MAML3: variants seen among roughly 807,000 people sequenced by gnomAD.
MAML3 encodes the protein mastermind like transcriptional coactivator 3.
MAML3 carries 27 observed loss-of-function variants against 101.9 expected under a neutral mutation model. The ratio of observed to expected loss-of-function variants is 0.27; its 90% CI spans 0.20 to 0.37. The LOEUF is 0.37. Among genes scored for constraint, MAML3 ranks in the 10% least tolerant of loss-of-function variants. The probability of loss-of-function intolerance (pLI) is 1.00; values close to 1 mark genes in which losing one functional copy is unlikely to be tolerated. For synonymous variants in MAML3, 501 were observed against 555.9 expected (o/e 0.90, Z 1.39); for missense variants, 1,316 against 1,444.9 (o/e 0.91, Z 1.45).
chr4:140,127,420 T>G (rs905306425), intron 1 of MAML3, among the ~76,000 whole-genome samples: 18 of 134,638 alleles, frequency 1.3e-4, no homozygotes, highest in African/African-American at 5.5e-4. Flanking sequence ...CCAAAAGGAG[T>G]GACAGAAAGT....
intron 2 of MAML3, among the ~76,000 whole-genome samples, chr4:139,741,775 G>A (rs775465618): frequency 7.6e-4 from 115 of 152,036 alleles, no homozygotes; most frequent in Non-Finnish European, 6.8e-4. Flanking sequence ...TTATTAGATC[G>A]GGCTGCTCTA....
intron 2 of MAML3, among the ~76,000 whole-genome samples, chr4:139,739,681 T>TA: frequency 7.3e-6 from 1 of 137,242 alleles, no homozygotes; most frequent in Non-Finnish European, 1.5e-5. Flanking sequence ...GGAAAGCAGT[T>TA]TTTTTTTTTT....
intron 1 of MAML3, among the ~76,000 whole-genome samples, chr4:140,114,342 C>T (rs1728484983): frequency 6.6e-6 from 1 of 152,168 alleles, no homozygotes; most frequent in Non-Finnish European, 1.5e-5. Flanking sequence ...CTCAACAGTA[C>T]CTGGCACAGA....
chr4:140,151,938 C>G (rs988805013), intron 1 of MAML3, among the ~76,000 whole-genome samples: 1 of 152,188 alleles, frequency 6.6e-6, no homozygotes, highest in Admixed American at 6.5e-5. Flanking sequence ...ATTAAGCAGG[C>G]CCCCAAAGTT....
intron 1 of MAML3, among the ~76,000 whole-genome samples, chr4:139,941,659 T>C (rs1237131225): frequency 6.6e-6 from 1 of 152,078 alleles, no homozygotes; most frequent in Non-Finnish European, 1.5e-5. Flanking sequence ...TGTACATGTA[T>C]GTGTGCAAGC....
intron 2 of MAML3, chr4:139,888,520 A>T (rs1027418957): frequency 1.5e-5 from 8 of 518,898 alleles, no homozygotes; most frequent in South Asian, 9.8e-5. Flanking sequence ...ATATTAAAGG[A>T]GCTTTGGCTG....
chr4:140,106,706 T>G, intron 1 of MAML3, among the ~76,000 whole-genome samples: 1 of 152,338 alleles, frequency 6.6e-6, no homozygotes, highest in East Asian at 1.9e-4. Flanking sequence ...TCATTGGTGT[T>G]GCAACTACCC....
Position 140,153,918 on chromosome 4 carries a change from T to C in MAML3, c.-591A>G, listed in dbSNP as rs1295501666. On this transcript the variant is annotated 5_prime_UTR_variant, in exon 1 of 5. Coordinates refer to ENST00000509479, the MANE Select transcript of MAML3 (RefSeq NM_018717.5). ...TTCTCAAAGTACTTTGGCTGCTCAG[T>C]TGCATTTCACAGGAACCTAGATATC... 6.5e-6 allele frequency: 1 copy of C among 153,270 alleles called. No homozygotes were observed. Among genetic ancestry groups the C allele is most frequent in the Non-Finnish European group, 1.5e-5 (1 of 68,488 alleles). The allele number at this position is 153,270 out of a possible 1,614,324, so 9.5% of individuals were successfully genotyped here.
intron 1 of MAML3, among the ~76,000 whole-genome samples, chr4:140,048,212 T>C (rs1301805925): frequency 6.6e-6 from 1 of 152,182 alleles, no homozygotes; most frequent in Non-Finnish European, 1.5e-5. Context: ...GGAAATTTCT[T>C]GAGGGAAATG....
At position 139,735,112 on chromosome 4, in the gene MAML3, G is replaced by C. The variant is rs1389092117; in HGVS notation, c.2080-4445C>G. ...GCGCGTCTGGGCGAGCGCTGCGAAC[G>C]TGGAGCCAGGCAGTCAAGTGTTACT... On this transcript the variant is annotated intron_variant, in intron 2 of 4. Coordinates refer to ENST00000509479, the MANE Select transcript of MAML3 (RefSeq NM_018717.5). This position sits in a 1 kb window ranked among gnomAD's most constrained non-coding sequence, Gnocchi z 5.8. Among the ~76,000 whole-genome samples the C allele has an allele frequency of 6.6e-6, 1 of 152,216 alleles. No individual in the cohort carries two copies. Among genetic ancestry groups the C allele is most frequent in the African/African-American group, 2.4e-5 (1 of 41,458 alleles).
At chr4:139,806,334 A>G (rs1730699498) in intron 2 of MAML3, among the ~76,000 whole-genome samples, 1 of 152,184 alleles carries the variant, frequency 6.6e-6, no homozygotes, top group Non-Finnish European at 1.5e-5. Context: ...ACAGTTTATG[A>G]ATGAAAAATA....
intron 1 of MAML3, among the ~76,000 whole-genome samples, chr4:140,021,324 A>G (rs1726729577): frequency 6.6e-6 from 1 of 152,224 alleles, no homozygotes; most frequent in Non-Finnish European, 1.5e-5. Context: ...AGCAATAGAA[A>G]TTAACTAGGG....
In MAML3 at chr4:140,057,950, T is replaced by TAG. The variant is rs543695721; in HGVS notation, c.468+94909_468+94910insCT. Among the ~76,000 whole-genome samples the TAG allele has an allele frequency of 7.9e-3, 762 of 95,888 alleles. 4 individuals are homozygous for TAG. The highest frequency in any genetic ancestry group is 0.015 in the Middle Eastern group (3 of 200). 62.9% of individuals were successfully genotyped at this position (95,888 alleles called of 152,430 possible). A position where few individuals can be genotyped will look rare whatever the true frequency, so the allele number is the denominator to read the frequency against. On this transcript the variant is annotated intron_variant, in intron 1 of 4. Transcript: ENST00000509479. ...AAGGCCCCCACCGCCACCACCACCT[T>TAG]TCTCTGAGTTGTGGGGTTTTTTTTT...
chr4:139,999,844 C>T (rs1014594294), intron 1 of MAML3, among the ~76,000 whole-genome samples: 2 of 152,122 alleles, frequency 1.3e-5, no homozygotes, highest in African/African-American at 4.8e-5. Context: ...CCATTTGGGG[C>T]CTCAGTTCTG....
At chr4:140,019,626 T>C (rs1726701437) in intron 1 of MAML3, among the ~76,000 whole-genome samples, 1 of 152,180 alleles carries the variant, frequency 6.6e-6, no homozygotes, top group African/African-American at 2.4e-5. Context: ...CCTCAATCTT[T>C]CCACTGCTAT....
chr4:139,801,691 T>C (rs1400417666), intron 2 of MAML3, among the ~76,000 whole-genome samples: 1 of 151,446 alleles, frequency 6.6e-6, no homozygotes, highest in Non-Finnish European at 1.5e-5. Context: ...TCTGTGTGTG[T>C]GTGTCTGTCT....
chr4:139,951,870 G>A (rs147138366), intron 1 of MAML3, among the ~76,000 whole-genome samples: 2 of 151,914 alleles, frequency 1.3e-5, no homozygotes, highest in Non-Finnish European at 2.9e-5. Context: ...TAAAGCTTAC[G>A]AAGGGCTATT....
chr4:139,829,852 T>C (rs181225362), intron 2 of MAML3, among the ~76,000 whole-genome samples: 93 of 152,332 alleles, frequency 6.1e-4, no homozygotes, highest in African/African-American at 1.9e-3. Flanking sequence ...TATACACAGA[T>C]CTGGGAATAT....
At chr4:139,898,642 T>G (rs1010772379) in intron 1 of MAML3, among the ~76,000 whole-genome samples, 4 of 152,240 alleles carry the variant, frequency 2.6e-5, no homozygotes, top group Non-Finnish European at 5.9e-5. Flanking sequence ...GCAGATGCTA[T>G]AACTAGTTTA....
Sources: gnomAD v4.1 joint callset for allele counts (sites outside exome capture counted in the v4.1 genomes callset) on GRCh38, gnomAD v4.1.1 for gene constraint, Gnocchi (gnomAD v3.1) non-coding constraint, MANE v1.5 for transcripts, NCBI Gene and HGNC (gene_info 2026-07-23, HGNC 2026-07-21) for gene names.